Variants in SPIDR observed in about 807,000 individuals in gnomAD.
SPIDR encodes DNA repair-scaffolding protein.
A neutral mutation model predicts 104.6 loss-of-function variants in SPIDR; 93 were observed. The ratio of observed to expected loss-of-function variants is 0.89; its 90% CI spans 0.75 to 1.06. The LOEUF (loss-of-function observed/expected upper bound fraction) is 1.06. SPIDR is among the 50% of genes least tolerant of loss of function. The pLI, the probability that SPIDR is intolerant of heterozygous loss-of-function variation, is 0.00. For missense variants in SPIDR, 1,154 were observed against 1,111.2 expected, an observed-to-expected ratio of 1.04 and a Z score of -0.55; for synonymous variants, 431 against 416.9, an observed-to-expected ratio of 1.03 and a Z score of -0.41.
At chr8:47,575,958 TAA>T (rs1308892468) in intron 8 of SPIDR, among the ~76,000 whole-genome samples, 2 of 140,598 alleles carry the variant, frequency 1.4e-5, no homozygotes, top group African/African-American at 2.6e-5. Flanking sequence ...AGATTCCTTT[TAA>T]AAAAAAAAAA....
chr8:47,399,004 C>T (rs1279233374), intron 6 of SPIDR, among the ~76,000 whole-genome samples: 1 of 152,160 alleles, frequency 6.6e-6, no homozygotes, highest in Non-Finnish European at 1.5e-5. Flanking sequence ...CTGCCATGGA[C>T]TCGAGAGAAT....
chr8:47,710,038 T>C (rs1298594681), intron 14 of SPIDR, among the ~76,000 whole-genome samples: 1 of 151,858 alleles, frequency 6.6e-6, no homozygotes, highest in Non-Finnish European at 1.5e-5. Context: ...CCATCACACC[T>C]AGCTAATTTT....
chr8:47,676,276 C>A (rs917712168), intron 11 of SPIDR, among the ~76,000 whole-genome samples: 18 of 152,152 alleles, frequency 1.2e-4, no homozygotes, highest in Admixed American at 6.6e-5. Flanking sequence ...AACTTTTGAA[C>A]CTCCTTCCTT....
intron 10 of SPIDR, among the ~76,000 whole-genome samples, chr8:47,661,843 C>G (rs916550078): frequency 6.6e-6 from 1 of 152,224 alleles, no homozygotes; most frequent in Non-Finnish European, 1.5e-5. Context: ...AGCTTCTGTG[C>G]CTTGTCGATA....
chr8:47,619,636 G>T (rs1171562514), intron 10 of SPIDR, among the ~76,000 whole-genome samples: 2 of 150,278 alleles, frequency 1.3e-5, no homozygotes, highest in African/African-American at 4.9e-5. Context: ...TTTTTTTAAG[G>T]GATGGGGTCT....
At position 47,261,216 on chromosome 8, in the gene SPIDR, C is replaced by T. The variant is rs766580089; in HGVS notation, c.33+225C>T. ...CCAGGCGTGCGGGCCGGGCCCTCAG[C>T]GGCGGTACGGAAAGCGAGGGGTGGG... On this transcript the variant is annotated intron_variant, in intron 1 of 19. Coordinates refer to ENST00000297423, the MANE Select transcript of SPIDR (RefSeq NM_001080394.4). Among the ~76,000 whole-genome samples, 19 of 152,154 alleles carry T rather than the reference C, an allele frequency of 1.2e-4. 1 individual carries two copies. Among genetic ancestry groups the T allele is most frequent in the Admixed American group, 5.2e-4 (8 of 15,292 alleles).
intron 5 of SPIDR, among the ~76,000 whole-genome samples, chr8:47,300,673 A>T (rs1375262702): frequency 6.6e-6 from 1 of 152,176 alleles, no homozygotes; most frequent in African/African-American, 2.4e-5. Flanking sequence ...GTTTCCAAGA[A>T]CATCTTTATT....
intron 5 of SPIDR, among the ~76,000 whole-genome samples, chr8:47,336,350 G>C (rs1554609213): frequency 1.3e-5 from 2 of 152,180 alleles, no homozygotes; most frequent in African/African-American, 4.8e-5. Context: ...CCTGTTGCTT[G>C]CCGCACAGAA....
chr8:47,495,405 A>G (rs2079287146), intron 8 of SPIDR, among the ~76,000 whole-genome samples: 2 of 151,912 alleles, frequency 1.3e-5, no homozygotes, highest in South Asian at 2.1e-4. Flanking sequence ...AAAAAAAGAT[A>G]TAATTAACAT....
chr8:47,358,441 T>C (rs78771212), intron 5 of SPIDR, among the ~76,000 whole-genome samples: 402 of 152,338 alleles, frequency 2.6e-3, no homozygotes, highest in Middle Eastern at 0.014. Context: ...ATCTTATTTT[T>C]TTCTCAAATA....
At chr8:47,413,993 T>C (rs2063878449) in intron 7 of SPIDR, among the ~76,000 whole-genome samples, 1 of 152,202 alleles carries the variant, frequency 6.6e-6, no homozygotes. Flanking sequence ...TTAGAAGTAT[T>C]AATACAAATG....
chr8:47,715,878 T>C (rs1294293924), intron 16 of SPIDR, among the ~76,000 whole-genome samples: 1 of 152,314 alleles, frequency 6.6e-6, no homozygotes, highest in East Asian at 1.9e-4. Context: ...CTAAGTCATA[T>C]GGTAACCCTG....
chr8:47,291,315 C>T (rs2039861743), intron 4 of SPIDR, among the ~76,000 whole-genome samples, 178 bp downstream of exon 4: 1 of 152,104 alleles, frequency 6.6e-6, no homozygotes, highest in Non-Finnish European at 1.5e-5. Context: ...AACATTCCAC[C>T]TATCAGAATG....
At chr8:47,436,177 A>T (rs555144018) in intron 7 of SPIDR, among the ~76,000 whole-genome samples, 8 of 152,278 alleles carry the variant, frequency 5.3e-5, no homozygotes, top group Admixed American at 1.3e-4. Flanking sequence ...GGTAGCCGCT[A>T]CTGTGTCCAT....
intron 5 of SPIDR, among the ~76,000 whole-genome samples, chr8:47,327,329 T>C (rs1403540865): frequency 6.6e-6 from 1 of 152,178 alleles, no homozygotes; most frequent in African/African-American, 2.4e-5. Context: ...TTCTGGATAC[T>C]AGACCCTTGT....
chr8:47,701,639 A>G lies in SPIDR; in HGVS notation c.1774-82A>G. The stretch of plus-strand genomic sequence containing the variant: ...ACCTGTAAGCAAATATGTATATATT[A>G]AAGAGGAGATTTTAATAATATCTCC... On this transcript the variant is annotated intron_variant, in intron 12 of 19. Coordinates refer to ENST00000297423, the MANE Select transcript of SPIDR (RefSeq NM_001080394.4). 3.6e-6 allele frequency: 5 copies of G among 1,374,754 alleles called. 1 individual carries two copies. In the South Asian group the frequency reaches 6.6e-5, roughly 18 times the overall value. The allele number at this position is 1,374,754 out of a possible 1,614,324, so 85.2% of individuals were successfully genotyped here.
At chr8:47,508,689 G>A (rs1252323016) in intron 8 of SPIDR, among the ~76,000 whole-genome samples, 1 of 152,148 alleles carries the variant, frequency 6.6e-6, no homozygotes, top group Non-Finnish European at 1.5e-5. Context: ...CTGTGTGTAA[G>A]TGTAGATCCC....
At chr8:47,658,802 GGCA>G (rs1487585858) in intron 10 of SPIDR, among the ~76,000 whole-genome samples, 1 of 151,710 alleles carries the variant, frequency 6.6e-6, no homozygotes, top group African/African-American at 2.4e-5. Flanking sequence ...AGGGCGTGGT[GGCA>G]GGCACCTGTA....
chr8:47,418,342 C>T (rs1333608571), intron 7 of SPIDR, among the ~76,000 whole-genome samples: 3 of 152,100 alleles, frequency 2.0e-5, no homozygotes, highest in African/African-American at 4.8e-5. Flanking sequence ...CCTTCCCATC[C>T]CTTGTAAGTT....
Sources: allele counts gnomAD v4.1 joint callset (sites outside exome capture counted in the v4.1 genomes callset), GRCh38; gene constraint gnomAD v4.1.1; transcripts MANE v1.5; gene names NCBI Gene and HGNC (gene_info 2026-07-23, HGNC 2026-07-21).